Variants in IQSEC1 observed in about 807,000 individuals in gnomAD.
The protein encoded by IQSEC1 is IQ motif and SEC7 domain-containing protein 1.
IQSEC1 carries 31 observed loss-of-function variants against 91.0 expected under a neutral mutation model. The observed-to-expected ratio is 0.34, with a 90% CI of 0.26 to 0.46. The LOEUF (loss-of-function observed/expected upper bound fraction) is 0.46. Ranked by LOEUF, IQSEC1 falls within the 20% of genes least tolerant of loss-of-function variation. The pLI is 1.00. For missense variants in IQSEC1, 1,388 were observed against 1,575.6 expected, an observed-to-expected ratio of 0.88 and a Z score of 2.02; for synonymous variants, 699 against 662.6, an observed-to-expected ratio of 1.05 and a Z score of -0.84.
chr3:13,214,122 T>C lies in IQSEC1; in HGVS notation c.273-49989A>G, dbSNP rs542598765. Among the ~76,000 whole-genome samples, 3 of 152,324 alleles carry C rather than the reference T, an allele frequency of 2.0e-5. No individual in the cohort carries two copies. The highest frequency in any genetic ancestry group is 7.2e-5 in the African/African-American group (3 of 41,582). ...CAGCCCCTCCTGGCCTTTGCTATAC[T>C]GGTCTCTCTGCTCCAGTGTCATTCT... On this transcript the variant is annotated intron_variant, in intron 1 of 15. Coordinates refer to the IQSEC1 transcript ENST00000648114. The surrounding 1 kb of genome is among the most constrained non-coding windows in gnomAD (Gnocchi z 4.5).
In IQSEC1 at chr3:13,154,452, T is replaced by TACACACACACATAC. The variant is rs1559265498; in HGVS notation, c.302+9651_302+9652insGTATGTGTGTGTGT. Reference sequence around the variant, plus strand: ...GAACTTACATGCATATATATATATATATATATATATATATATATATATATG... The same window carrying TACACACACACATAC: ...GAACTTACATGCATATATATATATATACACACACACATACATATATATATATATATATATATATG... On this transcript the variant is annotated intron_variant, in intron 2 of 15. Coordinates refer to the IQSEC1 transcript ENST00000648114. Among the ~76,000 whole-genome samples the TACACACACACATAC allele has an allele frequency of 1.9e-5, 2 of 104,278 alleles. 1 individual carries two copies. Among genetic ancestry groups the TACACACACACATAC allele is most frequent in the African/African-American group, 7.3e-5 (2 of 27,382 alleles). 68.4% of individuals were successfully genotyped at this position (104,278 alleles called of 152,430 possible). A position where few individuals can be genotyped will look rare whatever the true frequency, so the allele number is the denominator to read the frequency against.
At chr3:12,954,002 T>C (rs958188627) in intron 1 of IQSEC1, among the ~76,000 whole-genome samples, 4 of 152,182 alleles carry the variant, frequency 2.6e-5, no homozygotes, top group African/African-American at 9.7e-5. Context: ...CATGGCTGGT[T>C]CTCATCAGCG....
chr3:13,071,857 G>A (rs1230878773), intron 1 of IQSEC1, among the ~76,000 whole-genome samples: 16 of 149,108 alleles, frequency 1.1e-4, no homozygotes, highest in South Asian at 2.1e-4. Context: ...AGAGGCCACC[G>A]CCATCCCCCG....
intron 1 of IQSEC1, among the ~76,000 whole-genome samples, chr3:13,065,076 G>A (rs1471000851): frequency 2.6e-5 from 4 of 152,234 alleles, no homozygotes; most frequent in African/African-American, 4.8e-5. Context: ...ACAGGGCTTG[G>A]CTTCCTTCAT....
chr3:13,060,279 G>T (rs1375723363), intron 1 of IQSEC1, among the ~76,000 whole-genome samples: 1 of 152,178 alleles, frequency 6.6e-6, no homozygotes, highest in African/African-American at 2.4e-5. Flanking sequence ...GTGCATGTTG[G>T]GATGCAAAGA....
chr3:13,233,989 G>A (rs1176835585), intron 1 of IQSEC1, among the ~76,000 whole-genome samples: 3 of 152,246 alleles, frequency 2.0e-5, no homozygotes, highest in African/African-American at 7.2e-5. Flanking sequence ...TGAAGTGGGG[G>A]CTGCTGCAAT....
intron 1 of IQSEC1, among the ~76,000 whole-genome samples, chr3:13,269,823 C>T (rs1012804208): frequency 6.6e-6 from 1 of 152,208 alleles, no homozygotes; most frequent in Non-Finnish European, 1.5e-5. Flanking sequence ...GCAAATTGTC[C>T]CTCCTTCTCC....
At chr3:12,977,515 G>A (rs1458138764) in intron 1 of IQSEC1, among the ~76,000 whole-genome samples, 1 of 152,152 alleles carries the variant, frequency 6.6e-6, no homozygotes, top group Non-Finnish European at 1.5e-5. Flanking sequence ...AAGCTGCAAG[G>A]GCTTGCCCTC....
At chr3:13,112,199 C>T (rs1405307156) in intron 2 of IQSEC1, among the ~76,000 whole-genome samples, 2 of 152,246 alleles carry the variant, frequency 1.3e-5, no homozygotes, top group African/African-American at 4.8e-5. Flanking sequence ...GAGTTAGCGG[C>T]TTCCTCCTGG....
chr3:13,131,430 A>T (rs1396070243), intron 2 of IQSEC1, among the ~76,000 whole-genome samples: 1 of 150,618 alleles, frequency 6.6e-6, no homozygotes. Flanking sequence ...AGGGGTAGAC[A>T]ATTTGTACTT....
At chr3:12,976,664 C>T (rs1230931125) in intron 1 of IQSEC1, among the ~76,000 whole-genome samples, 1 of 152,220 alleles carries the variant, frequency 6.6e-6, no homozygotes, top group Non-Finnish European at 1.5e-5. Context: ...CACAGTCCAT[C>T]ATTATCTGGC....
intron 6 of IQSEC1, among the ~76,000 whole-genome samples, chr3:12,919,188 G>C (rs1423900843): frequency 6.6e-6 from 1 of 152,186 alleles, no homozygotes; most frequent in Admixed American, 6.5e-5. Flanking sequence ...GGTGGCCCTC[G>C]GGAGCTCTCA....
chr3:13,166,945 G>A (rs978874876), intron 1 of IQSEC1, among the ~76,000 whole-genome samples: 4 of 152,240 alleles, frequency 2.6e-5, no homozygotes, highest in Non-Finnish European at 5.9e-5. Flanking sequence ...TCCTATGGCC[G>A]AAGGAGCAAT....
intron 1 of IQSEC1, among the ~76,000 whole-genome samples, chr3:13,015,036 G>C (rs1206926039): frequency 6.6e-6 from 1 of 151,942 alleles, no homozygotes; most frequent in Non-Finnish European, 1.5e-5. Context: ...TTTGCTCAAA[G>C]TTTATGCACC....
Position 12,901,252 on chromosome 3 carries a change from C to G in IQSEC1, c.3076G>C (p.Gly1026Arg), listed in dbSNP as rs760462253. 2 of 1,545,574 alleles carry G rather than the reference C, an allele frequency of 1.3e-6. No homozygotes were observed. Among genetic ancestry groups the G allele is most frequent in the South Asian group, 2.4e-5 (2 of 83,880 alleles). Reference protein sequence around the residue: ...PEGLPQAAMHGHHTQYCHMQN... With the variant: ...PEGLPQAAMHRHHTQYCHMQN... ...ATGTGGCAGTACTGGGTGTGATGCC[C>G]GTGCATGGCGGCCTGCGGCAGCCCC... The change falls in exon 14 of 14, where the codon GGG becomes CGG. Residue 1026 changes from glycine to arginine, a missense_variant. By Grantham distance (125) the Gly-to-Arg change is moderately radical. This residue lies in a region of IQSEC1 where 329 missense variants were observed against 257.8 expected (regional missense o/e 1.28). Coordinates refer to ENST00000613206, the MANE Select transcript of IQSEC1 (RefSeq NM_001134382.3).
chr3:13,178,257 A>G (rs138067283), intron 1 of IQSEC1, among the ~76,000 whole-genome samples: 26 of 152,378 alleles, frequency 1.7e-4, no homozygotes, highest in African/African-American at 6.3e-4. Flanking sequence ...TGGTGGCCAG[A>G]TAGACACAAG....
intron 2 of IQSEC1, among the ~76,000 whole-genome samples, chr3:13,119,736 G>GT (rs1419059866): frequency 2.0e-5 from 3 of 152,250 alleles, no homozygotes; most frequent in Non-Finnish European, 4.4e-5. Flanking sequence ...AGGTATGCAT[G>GT]TAACGATTGT....
At chr3:12,933,548 C>T (rs951470053) in intron 3 of IQSEC1, among the ~76,000 whole-genome samples, 3 of 152,248 alleles carry the variant, frequency 2.0e-5, no homozygotes, top group Admixed American at 6.5e-5. Flanking sequence ...CACAGACCAA[C>T]GCTTTACCCT....
intron 1 of IQSEC1, among the ~76,000 whole-genome samples, chr3:13,229,851 T>C (rs938137043): frequency 6.6e-6 from 1 of 152,226 alleles, no homozygotes; most frequent in African/African-American, 2.4e-5. Context: ...CTTGGGCAAG[T>C]GACCCAACCT....
Sources: gnomAD v4.1 joint callset for allele counts (sites outside exome capture counted in the v4.1 genomes callset) on GRCh38, gnomAD v4.1.1 for gene constraint, gnomAD v4.1.1 regional missense constraint, Gnocchi (gnomAD v3.1) non-coding constraint, MANE v1.5 for transcripts, NCBI Gene and HGNC (gene_info 2026-07-23, HGNC 2026-07-21) for gene names.